Variants in SEC14L1 observed in about 807,000 individuals in gnomAD.
The protein encoded by SEC14L1 is SEC14-like protein 1.
Under a neutral mutation model 85.3 loss-of-function variants are expected in SEC14L1, and 48 were observed. The ratio of observed to expected loss-of-function variants is 0.56; its 90% CI spans 0.45 to 0.72. The LOEUF (loss-of-function observed/expected upper bound fraction) is 0.72. Among genes scored for constraint, SEC14L1 ranks in the 30% least tolerant of loss-of-function variants. SEC14L1 has a pLI of 0.00. For missense variants in SEC14L1, 682 were observed against 921.4 expected, an observed-to-expected ratio of 0.74 and a Z score of 3.36; for synonymous variants, 391 against 355.5, an observed-to-expected ratio of 1.10 and a Z score of -1.12.
intron 3 of SEC14L1, among the ~76,000 whole-genome samples, chr17:77,162,081 G>C (rs1974090107): frequency 6.6e-6 from 1 of 151,720 alleles, no homozygotes; most frequent in Non-Finnish European, 1.5e-5. Flanking sequence ...CCACGAACAT[G>C]GGTGGCCCAA....
chr17:77,205,935 A>G (rs908145541), intron 11 of SEC14L1, among the ~76,000 whole-genome samples: 1 of 152,148 alleles, frequency 6.6e-6, no homozygotes, highest in Non-Finnish European at 1.5e-5. Flanking sequence ...CGTCGAGGAC[A>G]GCACACTGTG....
chr17:77,183,208 CT>C (rs1975115722), intron 3 of SEC14L1, among the ~76,000 whole-genome samples: 1 of 152,202 alleles, frequency 6.6e-6, no homozygotes, highest in African/African-American at 2.4e-5. Flanking sequence ...CTAAAGCTAC[CT>C]TTTTCAAACT....
chr17:77,162,444 T>C (rs527261470), intron 3 of SEC14L1, among the ~76,000 whole-genome samples: 1 of 152,316 alleles, frequency 6.6e-6, no homozygotes, highest in Middle Eastern at 3.4e-3. Context: ...GGAATGACAG[T>C]GTCTTCAATT....
intron 3 of SEC14L1, among the ~76,000 whole-genome samples, chr17:77,110,550 G>C (rs1348858030): frequency 6.6e-6 from 1 of 152,128 alleles, no homozygotes; most frequent in Non-Finnish European, 1.5e-5. Context: ...AAACATTTTA[G>C]AGAGGTATGA....
intron 3 of SEC14L1, among the ~76,000 whole-genome samples, chr17:77,183,413 CT>C (rs1975132567): frequency 6.6e-6 from 1 of 152,200 alleles, no homozygotes; most frequent in Admixed American, 6.5e-5. Flanking sequence ...TGTCATGACA[CT>C]TTACCCCTAC....
chr17:77,109,483 G>A (rs1016828153), intron 3 of SEC14L1, among the ~76,000 whole-genome samples: 1 of 152,186 alleles, frequency 6.6e-6, no homozygotes, highest in African/African-American at 2.4e-5. Context: ...GCCTCCTTGG[G>A]AAATTAGGCT....
chr17:77,204,766 G>A (rs8070716), intron 10 of SEC14L1, among the ~76,000 whole-genome samples: 4,424 of 152,184 alleles, frequency 0.029, 212 homozygotes, highest in African/African-American at 0.1. Flanking sequence ...CCACCGCTAT[G>A]TGTGTTTATA....
chr17:77,200,817 C>T, intron 9 of SEC14L1, 144 bp downstream of exon 9: 1 of 771,270 alleles, frequency 1.3e-6, no homozygotes, highest in South Asian at 1.8e-5. Flanking sequence ...GCACCTTTCC[C>T]AAGTTGAACA....
chr17:77,194,575 CT>C lies in SEC14L1; in HGVS notation c.475-101del, dbSNP rs1213600450. 5 of 815,322 alleles carry C rather than the reference CT, an allele frequency of 6.1e-6. No homozygotes were observed. In the East Asian group the frequency reaches 1.3e-4, roughly 21 times the overall value. The allele number at this position is 815,322 out of a possible 1,614,324, so 50.5% of individuals were successfully genotyped here. A position where few individuals can be genotyped will look rare whatever the true frequency, so the allele number is the denominator to read the frequency against. ...TCAAAAAAAAAAAAAGATTGTGAGG[CT>C]CACCATCTTCCGTTGGCTAGAAAAA... On this transcript the variant is annotated intron_variant, in intron 6 of 16. Transcript: ENST00000436233.
intron 3 of SEC14L1, among the ~76,000 whole-genome samples, chr17:77,098,100 G>A (rs538682874): frequency 6.6e-6 from 1 of 152,248 alleles, no homozygotes; most frequent in South Asian, 2.1e-4. Context: ...GGAAAGTGTG[G>A]GACTTCTGCC....
Position 77,213,185 on chromosome 17 carries a change from A to G in SEC14L1, c.1864-129A>G, listed in dbSNP as rs1463865565. The G allele has an allele frequency of 5.2e-6, 4 of 769,380 alleles. No individual in the cohort carries two copies. The highest frequency in any genetic ancestry group is 8.2e-6 in the Non-Finnish European group (4 of 489,584). 47.7% of individuals were successfully genotyped at this position (769,380 alleles called of 1,614,324 possible). ...GCTGAAGCAAAATAGCAGGTTCTGA[A>G]TCCCATTGAGATAGTTTCCGTAGCT... On this transcript the variant is annotated intron_variant, in intron 15 of 16. Transcript: ENST00000436233. This position sits in a 1 kb window ranked among gnomAD's most constrained non-coding sequence, Gnocchi z 7.1.
At chr17:77,186,648 G>A (rs552274675) in intron 3 of SEC14L1, among the ~76,000 whole-genome samples, 1 of 152,352 alleles carries the variant, frequency 6.6e-6, no homozygotes, top group African/African-American at 2.4e-5. Flanking sequence ...AACTGAGGGT[G>A]ACTTTGAAGG....
At position 77,213,713 on chromosome 17, in the gene SEC14L1, T is replaced by TTA; in HGVS notation, c.2043-204_2043-203dup. 1.2e-6 allele frequency: 1 copy of TTA among 858,778 alleles called. No homozygotes were observed. The highest frequency in any genetic ancestry group is 1.9e-6 in the Non-Finnish European group (1 of 527,778). 53.2% of individuals were successfully genotyped at this position (858,778 alleles called of 1,614,324 possible). ...ACAGAGCCGACTGACTGCCTTTGCT[T>TTA]TAGCTCACACTGCCGTCTGCGTGCA... On this transcript the variant is annotated intron_variant, in intron 16 of 16. Coordinates refer to ENST00000436233, the MANE Select transcript of SEC14L1 (RefSeq NM_001143998.2). This position sits in a 1 kb window ranked among gnomAD's most constrained non-coding sequence, Gnocchi z 7.1.
intron 3 of SEC14L1, among the ~76,000 whole-genome samples, chr17:77,165,451 G>A (rs1286406576): frequency 6.6e-6 from 1 of 152,148 alleles, no homozygotes; most frequent in African/African-American, 2.4e-5. Context: ...AAGCAGGGAG[G>A]GGGTCTCCAG....
intron 3 of SEC14L1, among the ~76,000 whole-genome samples, chr17:77,150,970 A>G (rs1973530572): frequency 6.6e-6 from 1 of 152,082 alleles, no homozygotes; most frequent in Admixed American, 6.6e-5. Context: ...TCTTTCTCTC[A>G]TCCTGGATTT....
chr17:77,193,676 C>T (rs1975655036), intron 6 of SEC14L1, 127 bp downstream of exon 6: 4 of 958,256 alleles, frequency 4.2e-6, no homozygotes, highest in East Asian at 5.0e-5. Context: ...ATGCTATGAT[C>T]CCTACCCCCT....
chr17:77,175,502 G>A (rs753335799), intron 3 of SEC14L1, among the ~76,000 whole-genome samples: 8 of 152,214 alleles, frequency 5.3e-5, no homozygotes, highest in East Asian at 3.8e-4. Flanking sequence ...CCAGATGTCC[G>A]TTATCTGTGT....
intron 3 of SEC14L1, among the ~76,000 whole-genome samples, chr17:77,144,255 T>C (rs1018136825): frequency 6.6e-6 from 1 of 152,182 alleles, no homozygotes; most frequent in Non-Finnish European, 1.5e-5. Flanking sequence ...TATTAAGATA[T>C]AACATACATA....
chr17:77,165,503 A>T (rs1974243571), intron 3 of SEC14L1, among the ~76,000 whole-genome samples: 1 of 152,082 alleles, frequency 6.6e-6, no homozygotes, highest in Non-Finnish European at 1.5e-5. Flanking sequence ...CATTTTTCTC[A>T]GTGAGTAGAG....
Sources: allele counts gnomAD v4.1 joint callset (sites outside exome capture counted in the v4.1 genomes callset), GRCh38; gene constraint gnomAD v4.1.1; non-coding constraint Gnocchi (gnomAD v3.1); transcripts MANE v1.5; gene names NCBI Gene and HGNC (gene_info 2026-07-23, HGNC 2026-07-21).